The following MARCHF1 variants were observed in gnomAD, a reference collection of about 807,000 sequenced individuals.
The protein encoded by MARCHF1 is membrane associated ring-CH-type finger 1, also known as E3 ubiquitin-protein ligase MARCHF1.
A neutral mutation model predicts 54.2 loss-of-function variants in MARCHF1; 40 were observed. The ratio of observed to expected loss-of-function variants is 0.74; its 90% CI spans 0.57 to 0.96. The LOEUF is 0.96. MARCHF1 is among the 40% of genes least tolerant of loss of function. The pLI is 0.00. For missense variants in MARCHF1, 586 were observed against 656.5 expected (o/e 0.89, Z 1.17); for synonymous variants, 236 against 236.3 (o/e 1.00, Z 0.01).
chr4:164,168,717 C>T (rs141692133), intron 1 of MARCHF1, among the ~76,000 whole-genome samples: 81 of 151,224 alleles, frequency 5.4e-4, no homozygotes, highest in Non-Finnish European at 1.0e-3. Flanking sequence ...TACAGTTGAC[C>T]CTTGAGCAAT....
intron 1 of MARCHF1, among the ~76,000 whole-genome samples, chr4:164,135,091 T>G (rs1756374457): frequency 6.6e-6 from 1 of 152,218 alleles, no homozygotes; most frequent in South Asian, 2.1e-4. Context: ...TAGTACACCT[T>G]GTGTCTTCTT....
chr4:163,886,250 T>A (rs1029117848), intron 3 of MARCHF1, among the ~76,000 whole-genome samples: 4 of 150,630 alleles, frequency 2.7e-5, no homozygotes, highest in Non-Finnish European at 4.4e-5. Flanking sequence ...GAGATAGGTA[T>A]AGATAGATAT....
intron 1 of MARCHF1, among the ~76,000 whole-genome samples, chr4:164,164,421 T>G (rs1367846004): frequency 6.6e-6 from 1 of 151,822 alleles, no homozygotes; most frequent in East Asian, 1.9e-4. Context: ...CTACATATAT[T>G]AAAAAGATGA....
chr4:163,627,712 G>T, intron 5 of MARCHF1, among the ~76,000 whole-genome samples: 1 of 151,938 alleles, frequency 6.6e-6, no homozygotes, highest in Middle Eastern at 3.2e-3. Context: ...AATTTATAAT[G>T]CACTAAAACC....
At chr4:163,980,264 G>C (rs1384386961) in intron 3 of MARCHF1, among the ~76,000 whole-genome samples, 5 of 136,142 alleles carry the variant, frequency 3.7e-5, no homozygotes, top group African/African-American at 1.4e-4. Context: ...CAAGAAATGG[G>C]GAAAGGATTC....
intron 1 of MARCHF1, among the ~76,000 whole-genome samples, chr4:164,241,162 C>T (rs1377509133): frequency 1.3e-5 from 2 of 152,168 alleles, no homozygotes; most frequent in Non-Finnish European, 2.9e-5. Context: ...GACCCCCTCA[C>T]CCAGAAACTG....
intron 4 of MARCHF1, among the ~76,000 whole-genome samples, chr4:163,741,915 T>C (rs1746207331): frequency 1.3e-5 from 2 of 152,252 alleles, no homozygotes; most frequent in Admixed American, 6.5e-5. Context: ...TATGTATATT[T>C]ATATAAAACA....
At chr4:163,652,904 G>T (rs1743015965) in intron 5 of MARCHF1, among the ~76,000 whole-genome samples, 1 of 151,798 alleles carries the variant, frequency 6.6e-6, no homozygotes, top group South Asian at 2.1e-4. Context: ...TCCTGGTGTT[G>T]TTCTAGGAAT....
chr4:164,303,017 G>C (rs1395494578), intron 1 of MARCHF1, among the ~76,000 whole-genome samples: 1 of 151,948 alleles, frequency 6.6e-6, no homozygotes, highest in Non-Finnish European at 1.5e-5. Context: ...TTCCAAAACA[G>C]ATACTTAAAA....
chr4:163,717,090 C>T (rs1046718828), intron 4 of MARCHF1, among the ~76,000 whole-genome samples: 2 of 151,078 alleles, frequency 1.3e-5, no homozygotes, highest in African/African-American at 4.9e-5. Flanking sequence ...TGGTGTGCTG[C>T]ACCCATTAAC....
intron 1 of MARCHF1, among the ~76,000 whole-genome samples, chr4:164,347,923 A>G (rs986396044): frequency 7.2e-5 from 11 of 152,324 alleles, no homozygotes; most frequent in African/African-American, 2.6e-4. Flanking sequence ...TTGTCAGTAT[A>G]TAGCATTTAA....
chr4:163,814,020 C>T (rs975172931), intron 4 of MARCHF1, among the ~76,000 whole-genome samples: 1 of 152,148 alleles, frequency 6.6e-6, no homozygotes, highest in African/African-American at 2.4e-5. Flanking sequence ...ACCCTCACAG[C>T]CTCTGGAATG....
intron 4 of MARCHF1, among the ~76,000 whole-genome samples, chr4:163,834,859 G>A (rs1392617736): frequency 6.6e-6 from 1 of 151,960 alleles, no homozygotes; most frequent in Non-Finnish European, 1.5e-5. Context: ...TATTAGAGAT[G>A]CACATAATTA....
intron 1 of MARCHF1, among the ~76,000 whole-genome samples, chr4:164,357,793 C>T (rs1730604387): frequency 1.3e-5 from 2 of 152,130 alleles, no homozygotes; most frequent in African/African-American, 4.8e-5. Context: ...CTGTCCTCCC[C>T]AATACCAACA....
At chr4:164,171,574 A>C (rs1029636753) in intron 1 of MARCHF1, among the ~76,000 whole-genome samples, 4 of 145,142 alleles carry the variant, frequency 2.8e-5, no homozygotes, top group Admixed American at 2.1e-4. Context: ...CCATTAAAAG[A>C]AAAAAGTAGG....
At chr4:163,563,374 T>G (rs1739535533) in intron 8 of MARCHF1, among the ~76,000 whole-genome samples, 1 of 152,212 alleles carries the variant, frequency 6.6e-6, no homozygotes, top group South Asian at 2.1e-4. Context: ...TTCTGAATGG[T>G]TTATCCTCTG....
intron 1 of MARCHF1, chr4:164,197,629 C>A (rs145140148): frequency 6.2e-7 from 1 of 1,612,972 alleles, no homozygotes; most frequent in South Asian, 1.1e-5. Context: ...TTCATTCGAC[C>A]GACTGTTGTC....
At chr4:163,693,297 C>T (rs1744520279) in intron 5 of MARCHF1, among the ~76,000 whole-genome samples, 1 of 151,302 alleles carries the variant, frequency 6.6e-6, no homozygotes, top group Admixed American at 6.6e-5. Context: ...GAGTTAAGAC[C>T]AAATTTTGCA....
At chr4:164,038,054 T>C (rs189907544) in intron 2 of MARCHF1, among the ~76,000 whole-genome samples, 1 of 152,318 alleles carries the variant, frequency 6.6e-6, no homozygotes, top group African/African-American at 2.4e-5. Flanking sequence ...AAATGTTCTG[T>C]GCCTTGATAG....
Sources: gnomAD v4.1 joint callset for allele counts (sites outside exome capture counted in the v4.1 genomes callset) on GRCh38, gnomAD v4.1.1 for gene constraint, MANE v1.5 for transcripts, NCBI Gene and HGNC (gene_info 2026-07-23, HGNC 2026-07-21) for gene names.